IKZF4: variants seen among roughly 807,000 people sequenced by gnomAD.
The protein encoded by IKZF4 is IKAROS family zinc finger 4, also known as zinc finger protein Eos.
Under a neutral mutation model 47.7 loss-of-function variants are expected in IKZF4, and 11 were observed. The observed-to-expected ratio is 0.23, with a 90% CI of 0.15 to 0.38. IKZF4 has a LOEUF of 0.38. Among genes scored for constraint, IKZF4 ranks in the 10% least tolerant of loss-of-function variants. The probability of loss-of-function intolerance (pLI) is 1.00; values close to 1 mark genes in which losing one functional copy is unlikely to be tolerated. For synonymous variants in IKZF4, 298 were observed against 299.4 expected, an observed-to-expected ratio of 1.00 and a Z score of 0.05; for missense variants, 557 against 784.9, an observed-to-expected ratio of 0.71 and a Z score of 3.47.
intron 2 of IKZF4, chr12:56,024,589 T>C: frequency 1.0e-6 from 1 of 968,268 alleles, no homozygotes. Flanking sequence ...ACTCAATTAA[T>C]ATTATTAGCT....
At chr12:56,009,016 C>A (rs1891044364) in intron 1 of IKZF4, among the ~76,000 whole-genome samples, 1 of 152,158 alleles carries the variant, frequency 6.6e-6, no homozygotes, top group Non-Finnish European at 1.5e-5. Flanking sequence ...CCATTCCCTT[C>A]TCTCATGAAC....
At chr12:56,016,392 G>A (rs190216123), upstream of IKZF4, among the ~76,000 whole-genome samples, 24 of 151,140 alleles carry the variant, frequency 1.6e-4, no homozygotes, top group Non-Finnish European at 3.2e-4. Context: ...CATCAGATGA[G>A]TGGGGAATGC....
In IKZF4 at chr12:56,027,011, G is replaced by A. The variant is rs779086170; in HGVS notation, c.517G>A (p.Val173Met). 5.9e-5 allele frequency: 93 copies of A among 1,566,262 alleles called. No homozygotes were observed. Among genetic ancestry groups the A allele is most frequent in the Non-Finnish European group, 7.6e-5 (88 of 1,153,930 alleles). ...VCGMVCIGPN[V>M]LMVHKRSHTG... ...CGGCATGGTCTGTATTGGACCCAAC[G>A]TGCTCATGGTGCACAAGCGCAGTCA... The change falls in exon 4 of 8, where the codon GTG (valine) becomes ATG (methionine). Residue 173 changes from valine (V) to methionine (M), a missense_variant. Val to Met is a conservative substitution (Grantham distance 21, BLOSUM62 1). Coordinates refer to ENST00000547167, the MANE Select transcript of IKZF4 (RefSeq NM_022465.4).
At chr12:56,014,218 T>TA (rs1191205896) in intron 2 of IKZF4, among the ~76,000 whole-genome samples, 1 of 151,696 alleles carries the variant, frequency 6.6e-6, no homozygotes, top group Non-Finnish European at 1.5e-5. Context: ...TGGAGGCAGC[T>TA]AAGTACAGCT....
chr12:56,035,501 C>T lies in IKZF4; in HGVS notation c.*170C>T, dbSNP rs1014823590. 11 of 584,536 alleles carry T rather than the reference C, an allele frequency of 1.9e-5. No individual in the cohort carries two copies. Among genetic ancestry groups the T allele is most frequent in the East Asian group, 5.6e-5 (2 of 35,732 alleles). 36.2% of individuals were successfully genotyped at this position (584,536 alleles called of 1,614,324 possible). ...ACCTATTCTCTTCCTCTATCCTGAC[C>T]GATGTAAGCATTGTGATGAAACAGA... is the stretch of plus-strand genomic sequence containing the variant. On this transcript the variant is annotated 3_prime_UTR_variant, in exon 8 of 8. Coordinates refer to ENST00000547167, the MANE Select transcript of IKZF4 (RefSeq NM_022465.4). The surrounding 1 kb of genome is among the most constrained non-coding windows in gnomAD (Gnocchi z 6.1).
At chr12:56,013,910 G>A (rs1891660513) in intron 2 of IKZF4, among the ~76,000 whole-genome samples, 1 of 152,204 alleles carries the variant, frequency 6.6e-6, no homozygotes, top group Admixed American at 6.5e-5. Context: ...CAACACTTTG[G>A]GAGGCCGAGG....
At chr12:56,014,023 C>T (rs189893363) in intron 2 of IKZF4, among the ~76,000 whole-genome samples, 6 of 152,174 alleles carry the variant, frequency 3.9e-5, no homozygotes, top group Admixed American at 2.6e-4. Flanking sequence ...TGGTGGCGCA[C>T]GCCTGTAATC....
chr12:56,024,310 G>A (rs1318894859), intron 2 of IKZF4, among the ~76,000 whole-genome samples: 1 of 152,206 alleles, frequency 6.6e-6, no homozygotes, highest in Admixed American at 6.5e-5. Context: ...AATTTAGAAA[G>A]TCTAAGAGGC....
upstream of IKZF4, among the ~76,000 whole-genome samples, chr12:56,018,853 C>G (rs1197650901): frequency 6.6e-6 from 1 of 151,886 alleles, no homozygotes; most frequent in African/African-American, 2.4e-5. Context: ...CTTTGGGAGA[C>G]AGGCAGATCA....
At chr12:56,034,122 T>C (rs923538062) in intron 7 of IKZF4, among the ~76,000 whole-genome samples, 10 of 152,044 alleles carry the variant, frequency 6.6e-5, no homozygotes, top group South Asian at 2.1e-4. Flanking sequence ...AGGATGGTCT[T>C]AATCTCCTGA....
At chr12:56,014,155 C>CAAAAAA (rs1303427048) in intron 2 of IKZF4, among the ~76,000 whole-genome samples, 2 of 80,936 alleles carry the variant, frequency 2.5e-5, no homozygotes, top group African/African-American at 3.8e-5. Flanking sequence ...GACTCCGTCT[C>CAAAAAA]AAAAAAAAAA....
intron 5 of IKZF4, 48 bp downstream of exon 5, chr12:56,027,995 A>G: frequency 6.7e-7 from 1 of 1,499,642 alleles, no homozygotes; most frequent in South Asian, 1.4e-5. Flanking sequence ...CAACACACCC[A>G]GTATGTAGAG....
In IKZF4 at chr12:56,027,886, C is replaced by T. The variant is rs745854350; in HGVS notation, c.654C>T (p.Pro218=). The part of the protein sequence containing the change: ...LHSGEKPFKC[P]FCNYACRRRD... ...CTGGGGAGAAGCCCTTTAAATGTCCCTTCTGCAACTATGCCTGCCGCCGGC... is the reference window on the plus strand; with the variant it reads ...CTGGGGAGAAGCCCTTTAAATGTCCTTTCTGCAACTATGCCTGCCGCCGGC... Residue 218 remains proline (P), a synonymous_variant, in exon 5 of 8, where the codon CCC becomes CCT. Coordinates refer to ENST00000547167, the MANE Select transcript of IKZF4 (RefSeq NM_022465.4). 11 of 1,605,914 alleles carry T rather than the reference C, an allele frequency of 6.8e-6. No homozygotes were observed. The South Asian group carries it at 1.1e-4, about 16-fold the overall frequency.
chr12:56,024,647 T>C (rs776223320), intron 2 of IKZF4: 1 of 1,050,670 alleles, frequency 9.5e-7, no homozygotes, highest in Non-Finnish European at 1.1e-6. Flanking sequence ...ACAATTCCAG[T>C]TACCTTTCCT....
chr12:56,011,525 T>G (rs1461680317), intron 2 of IKZF4: 1 of 152,176 alleles, frequency 6.6e-6, no homozygotes, highest in African/African-American at 2.4e-5. Flanking sequence ...AGGTGTTGTG[T>G]TTTCAGCTCT....
rs768886529 is a variant in IKZF4, at chr12:56,033,194, C to T, written c.870C>T (p.Asp290=). The change falls in exon 7 of 8, where the codon GAC becomes GAT. Residue 290 remains aspartate, a synonymous_variant. Transcript: ENST00000547167. ...EAQALAGQPG[D]EIRDLEMVPD... is the part of the protein sequence containing the mutation. ...TCTCCACCTTCTTCCCACTAGGTGA[C>T]GAAATACGTGACCTGGAGATGGTGC... The T allele has an allele frequency of 3.9e-5, 63 of 1,613,708 alleles. No homozygotes were observed. Among genetic ancestry groups the T allele is most frequent in the Non-Finnish European group, 4.7e-5 (56 of 1,179,802 alleles).
chr12:56,025,972 G>A (rs184644021), intron 3 of IKZF4, among the ~76,000 whole-genome samples: 163 of 152,268 alleles, frequency 1.1e-3, no homozygotes, highest in Non-Finnish European at 2.0e-3. Context: ...GTCTTGCTCT[G>A]TCGCCCAGGC....
chr12:56,027,206 G>A (rs7310292), intron 4 of IKZF4, among the ~76,000 whole-genome samples, 165 bp downstream of exon 4: 11,298 of 151,328 alleles, frequency 0.075, 1,442 homozygotes, highest in African/African-American at 0.26. Flanking sequence ...CTGACAAAAC[G>A]AGGCAGGGTG....
intron 7 of IKZF4, among the ~76,000 whole-genome samples, chr12:56,033,879 A>G (rs1895289137): frequency 6.6e-6 from 1 of 152,014 alleles, no homozygotes; most frequent in Admixed American, 6.6e-5. Context: ...GGGTCGAGGC[A>G]TCGGGCTGTC....
Sources: gnomAD v4.1 joint callset for allele counts (sites outside exome capture counted in the v4.1 genomes callset) on GRCh38, gnomAD v4.1.1 for gene constraint, Gnocchi (gnomAD v3.1) non-coding constraint, MANE v1.5 for transcripts, NCBI Gene and HGNC (gene_info 2026-07-23, HGNC 2026-07-21) for gene names.